The following RABGAP1L variants were observed in gnomAD, a reference collection of about 807,000 sequenced individuals.
The protein encoded by RABGAP1L is RAB GTPase activating protein 1 like.
RABGAP1L carries 63 observed loss-of-function variants against 137.7 expected under a neutral mutation model. That is an observed-to-expected ratio of 0.46 (90% confidence interval 0.37 to 0.56). The LOEUF (loss-of-function observed/expected upper bound fraction) is 0.56, where lower values mean the gene tolerates loss of function less well. RABGAP1L is among the 20% of genes least tolerant of loss of function. The pLI is 0.00. For synonymous variants in RABGAP1L, 431 were observed against 433.7 expected, an observed-to-expected ratio of 0.99 and a Z score of 0.08; for missense variants, 1,095 against 1,244.0, an observed-to-expected ratio of 0.88 and a Z score of 1.80.
chr1:174,610,412 T>C (rs1241717369), intron 13 of RABGAP1L, among the ~76,000 whole-genome samples: 3 of 151,730 alleles, frequency 2.0e-5, no homozygotes, highest in Non-Finnish European at 4.4e-5. Context: ...TGCATAGTAT[T>C]CCATGGTGTA....
intron 11 of RABGAP1L, among the ~76,000 whole-genome samples, chr1:174,357,979 C>A (rs1683787081): frequency 1.3e-5 from 2 of 152,172 alleles, no homozygotes; most frequent in South Asian, 4.1e-4. Flanking sequence ...TTATCGTCCC[C>A]ATGTTAGATA....
rs146911988 is a variant in RABGAP1L at position 174,359,746 on chromosome 1, G to A, written c.1466-11233G>A. ...AATTCTAACCTTTTATCATTTATTA[G>A]CACGGTAACCTTGGGCAAGTTACTT... On this transcript the variant is annotated intron_variant, in intron 11 of 25. Coordinates refer to ENST00000681986, the MANE Select transcript of RABGAP1L (RefSeq NM_001366446.1). Among the ~76,000 whole-genome samples, 90 of 152,254 alleles carry A rather than the reference G, an allele frequency of 5.9e-4. 1 individual carries two copies. The highest frequency in any genetic ancestry group is 2.1e-3 in the African/African-American group (86 of 41,552).
chr1:174,792,452 G>T (rs1364092142), intron 18 of RABGAP1L, among the ~76,000 whole-genome samples: 1 of 152,058 alleles, frequency 6.6e-6, no homozygotes, highest in South Asian at 2.1e-4. Flanking sequence ...TTAACGTCAC[G>T]TGGAAAAAAA....
chr1:174,753,223 C>T (rs1052771420), intron 18 of RABGAP1L, among the ~76,000 whole-genome samples: 9 of 152,164 alleles, frequency 5.9e-5, no homozygotes, highest in African/African-American at 2.2e-4. Context: ...GTATCTAGAA[C>T]ATTTTACTGC....
intron 19 of RABGAP1L, among the ~76,000 whole-genome samples, chr1:174,945,217 C>A (rs1666543644): frequency 1.3e-5 from 2 of 152,326 alleles, no homozygotes; most frequent in South Asian, 4.1e-4. Flanking sequence ...CACACCAATA[C>A]AATTCAACAT....
intron 18 of RABGAP1L, chr1:174,757,091 A>G: frequency 2.0e-6 from 1 of 502,588 alleles, no homozygotes; most frequent in Non-Finnish European, 4.1e-6. Context: ...CTCTGCCACA[A>G]AGTCTCGGTG....
chr1:174,973,262 TG>T (rs755041792), intron 21 of RABGAP1L, among the ~76,000 whole-genome samples: 117 of 152,304 alleles, frequency 7.7e-4, no homozygotes, highest in Middle Eastern at 3.4e-3. Flanking sequence ...TAATGAAGAC[TG>T]TTCAGCAGAA....
chr1:174,350,130 TG>T (rs1553278935), intron 11 of RABGAP1L, among the ~76,000 whole-genome samples: 10 of 69,440 alleles, frequency 1.4e-4, no homozygotes, highest in African/African-American at 4.8e-4. Context: ...GCTGGCCGGG[TG>T]GGGGGGCTGA....
At chr1:174,935,984 CA>C (rs58215269) in intron 19 of RABGAP1L, among the ~76,000 whole-genome samples, 8,750 of 43,628 alleles carry the variant, frequency 0.2, 100 homozygotes, top group East Asian at 0.37. Flanking sequence ...TCCATCTCAC[CA>C]AAAAAAAAAA....
chr1:174,738,847 C>A (rs1265661721), intron 17 of RABGAP1L, among the ~76,000 whole-genome samples: 1 of 152,134 alleles, frequency 6.6e-6, no homozygotes, highest in African/African-American at 2.4e-5. Flanking sequence ...AGAGCCTTTC[C>A]CCATAATTGT....
At chr1:174,889,728 G>C (rs759053793) in intron 19 of RABGAP1L, among the ~76,000 whole-genome samples, 7 of 151,786 alleles carry the variant, frequency 4.6e-5, no homozygotes, top group Non-Finnish European at 1.0e-4. Context: ...ACTGTGACCA[G>C]CCTTTCTATT....
intron 19 of RABGAP1L, among the ~76,000 whole-genome samples, chr1:174,955,573 C>T (rs1668390072): frequency 6.6e-6 from 1 of 152,156 alleles, no homozygotes; most frequent in African/African-American, 2.4e-5. Context: ...TTTGCTCTCT[C>T]ACTCATATGT....
intron 18 of RABGAP1L, among the ~76,000 whole-genome samples, chr1:174,798,266 G>T (rs2148816643): frequency 6.6e-6 from 1 of 151,792 alleles, no homozygotes; most frequent in Non-Finnish European, 1.5e-5. Flanking sequence ...AAATAGCTGG[G>T]TGTGGTGGCG....
intron 13 of RABGAP1L, among the ~76,000 whole-genome samples, chr1:174,583,103 G>A (rs1384165871): frequency 6.6e-6 from 1 of 152,044 alleles, no homozygotes; most frequent in Non-Finnish European, 1.5e-5. Flanking sequence ...TGAAGAAACA[G>A]TCATTAAGGA....
At chr1:174,339,120 T>TA in intron 11 of RABGAP1L, among the ~76,000 whole-genome samples, 1 of 152,336 alleles carries the variant, frequency 6.6e-6, no homozygotes, top group Non-Finnish European at 1.5e-5. Context: ...TGCTTCAAAA[T>TA]AAACAGTTCT....
chr1:174,963,313 A>G (rs955428190), intron 20 of RABGAP1L, among the ~76,000 whole-genome samples: 7 of 152,142 alleles, frequency 4.6e-5, no homozygotes, highest in African/African-American at 1.7e-4. Context: ...AGCTTGGATA[A>G]TCCAGAGAGT....
chr1:174,820,940 C>T (rs1690954987), intron 19 of RABGAP1L, among the ~76,000 whole-genome samples: 1 of 151,430 alleles, frequency 6.6e-6, no homozygotes, highest in East Asian at 2.0e-4. Context: ...TTGCTGGAGT[C>T]CGGGAGGTGG....
chr1:174,892,105 G>A (rs771895882), intron 19 of RABGAP1L, among the ~76,000 whole-genome samples: 3 of 152,208 alleles, frequency 2.0e-5, no homozygotes, highest in Non-Finnish European at 4.4e-5. Context: ...ACCTCCAACC[G>A]GCCTGGAGCC....
intron 1 of RABGAP1L, among the ~76,000 whole-genome samples, chr1:174,162,777 GTTTTTTTTTTTT>G (rs67811794): frequency 3.1e-4 from 16 of 51,554 alleles, no homozygotes; most frequent in Admixed American, 1.7e-3. Context: ...TTCTCTTTCT[GTTTTTTTTTTTT>G]TTTTTTTTTT....
Sources: allele counts gnomAD v4.1 joint callset (sites outside exome capture counted in the v4.1 genomes callset), GRCh38; gene constraint gnomAD v4.1.1; transcripts MANE v1.5; gene names NCBI Gene and HGNC (gene_info 2026-07-23, HGNC 2026-07-21).